The following NLRP13 variants were observed in gnomAD, a reference collection of about 807,000 sequenced individuals.
NLRP13 encodes NLR family pyrin domain containing 13.
In NLRP13, 82 loss-of-function variants were observed where a neutral mutation model predicts 94.4. That is an observed-to-expected ratio of 0.87 (90% CI 0.73 to 1.04). The LOEUF is 1.04. NLRP13 is among the 50% of genes least tolerant of loss of function. The probability of loss-of-function intolerance (pLI) is 0.00; values close to 1 mark genes in which losing one functional copy is unlikely to be tolerated. For missense variants in NLRP13, 1,426 were observed against 1,230.8 expected, an observed-to-expected ratio of 1.16 and a Z score of -2.37; for synonymous variants, 553 against 464.7, an observed-to-expected ratio of 1.19 and a Z score of -2.45.
Position 55,923,990 on chromosome 19 carries a change from C to T in NLRP13, c.458-11G>A, listed in dbSNP as rs765156396. Reference sequence around the variant, plus strand: ...GGGCCTGTACATTCCCTGAAATAAACAGTGATGATGAGATATGAAAATACC... The same window carrying T: ...GGGCCTGTACATTCCCTGAAATAAATAGTGATGATGAGATATGAAAATACC... On this transcript the variant is annotated splice_polypyrimidine_tract_variant and intron_variant, in intron 3 of 10. Coordinates refer to ENST00000342929, the MANE Select transcript of NLRP13 (RefSeq NM_176810.2). The T allele has an allele frequency of 3.7e-5, 60 of 1,610,244 alleles. No individual in the cohort carries two copies. Among genetic ancestry groups the T allele is most frequent in the Middle Eastern group, 3.3e-4 (2 of 6,078 alleles).
chr19:55,932,199 G>T lies in NLRP13; in HGVS notation c.113C>A (p.Pro38His). 3.1e-6 allele frequency: 5 copies of T among 1,613,970 alleles called. No homozygotes were observed. The highest frequency in any genetic ancestry group is 4.2e-6 in the Non-Finnish European group (5 of 1,179,950). The change falls in exon 1 of 11, where the codon CCC becomes CAC. Residue 38 changes from proline (P) to histidine (H), a missense_variant. Physicochemically the swap from Pro to His is moderately conservative, Grantham distance 77. Transcript: ENST00000342929. Reference sequence around the variant, plus strand: ...CGACCAGAAGTCCATCAGCTGCTGGGGTTCCAAGCAAAGCTTGAATTCCTC... The same window carrying T: ...CGACCAGAAGTCCATCAGCTGCTGGTGTTCCAAGCAAAGCTTGAATTCCTC... ...QLEEFKLCLEPQQLMDFWSAP... is the reference protein window; with the variant it reads ...QLEEFKLCLEHQQLMDFWSAP...
intron 5 of NLRP13, 141 bp from the exon 6 acceptor site, chr19:55,910,874 C>T (rs112647645): frequency 6.1e-6 from 4 of 652,048 alleles, no homozygotes; most frequent in African/African-American, 5.4e-5. Flanking sequence ...TGGCTCACGC[C>T]TGTAATCCCA....
chr19:55,928,586 TA>T (rs1052622454), intron 1 of NLRP13, among the ~76,000 whole-genome samples: 2 of 152,190 alleles, frequency 1.3e-5, no homozygotes, highest in Non-Finnish European at 1.5e-5. Context: ...TTTATATTTT[TA>T]AAAATCAGCA....
At chr19:55,913,548 C>CAAAAAAAAAAAAAAAAAAAAAAAA (rs10530056) in intron 4 of NLRP13, among the ~76,000 whole-genome samples, 39 of 52,064 alleles carry the variant, frequency 7.5e-4, no homozygotes, top group Non-Finnish European at 9.6e-4. Flanking sequence ...GACTCCGTCT[C>CAAAAAAAAAAAAAAAAAAAAAAAA]AAAAAAAAAA....
chr19:55,924,873 TC>T (rs1986930051), intron 2 of NLRP13, 93 bp downstream of exon 2: 1 of 1,122,738 alleles, frequency 8.9e-7, no homozygotes, highest in Non-Finnish European at 1.3e-6. Flanking sequence ...CACTATAAAT[TC>T]AAGAAATTTC....
chr19:55,898,662 T>C, intron 10 of NLRP13, 108 bp downstream of exon 10: 1 of 1,197,658 alleles, frequency 8.3e-7, no homozygotes, highest in South Asian at 1.6e-5. Context: ...CTTAGATGGC[T>C]TGTCCTTACT....
chr19:55,923,822 A>G (rs1475290676), intron 4 of NLRP13, 92 bp downstream of exon 4: 1 of 874,328 alleles, frequency 1.1e-6, no homozygotes, highest in African/African-American at 1.7e-5. Context: ...AACTGAAGAA[A>G]ATGTCAGTAT....
rs751102456 is a variant in NLRP13, at chr19:55,924,587, C to T, written c.457+3G>A. On this transcript the variant is annotated splice_donor_region_variant and intron_variant, in intron 3 of 10. Transcript: ENST00000342929. The stretch of plus-strand genomic sequence containing the variant: ...TCAATTATCAACCAAGTAATGTACA[C>T]ACCTGTTTCTTCTTCTAGCTCGTCT... 1 of 1,609,970 alleles carries T rather than the reference C, an allele frequency of 6.2e-7. No homozygotes were observed. Among genetic ancestry groups the T allele is most frequent in the Admixed American group, 1.7e-5 (1 of 60,008 alleles).
At chr19:55,895,885 A>C, downstream of NLRP13, 4 of 1,550,318 alleles carry the variant, frequency 2.6e-6, no homozygotes, top group Non-Finnish European at 2.6e-6. Context: ...CATGCTCTAG[A>C]AGCCTAGTCA....
chr19:55,914,608 A>G (rs1986631724), intron 4 of NLRP13, among the ~76,000 whole-genome samples: 1 of 152,198 alleles, frequency 6.6e-6, no homozygotes, highest in Admixed American at 6.5e-5. Context: ...TTCTACTTCT[A>G]TGAGTTCAAG....
Position 55,912,070 on chromosome 19 carries a change from G to A in NLRP13, c.1747C>T (p.Pro583Ser). 3 of 1,614,188 alleles carry A rather than the reference G, an allele frequency of 1.9e-6. No homozygotes were observed. Among genetic ancestry groups the A allele is most frequent in the Non-Finnish European group, 2.5e-6 (3 of 1,180,040 alleles). Residue 583 changes from proline to serine, a missense_variant, in exon 5 of 11, where the codon CCA becomes TCA. By Grantham distance (74) the Pro-to-Ser change is moderately conservative. Transcript: ENST00000342929. ...VLLDKEAYWT[P>S]VVLFFFGLLN... ...AGACCAAAGAAGAACAGAACCACTGGAGTCCAGTAGGCTTCTTTGTCAAGC... is the reference window on the plus strand; with the variant it reads ...AGACCAAAGAAGAACAGAACCACTGAAGTCCAGTAGGCTTCTTTGTCAAGC...
chr19:55,906,522 G>A (rs567909550), intron 7 of NLRP13, among the ~76,000 whole-genome samples: 33 of 152,156 alleles, frequency 2.2e-4, no homozygotes, highest in African/African-American at 7.0e-4. Flanking sequence ...TGAGAAGGCC[G>A]CAAGACTTAC....
rs1046435185 is a variant in NLRP13, at chr19:55,901,405, G to C, written c.2789+630C>G. On this transcript the variant is annotated intron_variant, in intron 9 of 10. Coordinates refer to ENST00000342929, the MANE Select transcript of NLRP13 (RefSeq NM_176810.2). ...TTAGATAATGTGGGCACTTAAGGGA[G>C]AGAAGGGAGAGTAAGGGAGAGAGGG... is the stretch of plus-strand genomic sequence containing the variant. Among the ~76,000 whole-genome samples, 9 of 152,314 alleles carry C rather than the reference G, an allele frequency of 5.9e-5. No individual in the cohort carries two copies. In the East Asian group the frequency reaches 1.2e-3, roughly 20 times the overall value.
intron 1 of NLRP13, among the ~76,000 whole-genome samples, chr19:55,926,978 T>C (rs1184309774): frequency 6.7e-6 from 1 of 149,270 alleles, no homozygotes; most frequent in African/African-American, 2.5e-5. Flanking sequence ...TATCTATAGG[T>C]GGAAAAAATA....
chr19:55,897,322 C>T (rs1221538003), intron 10 of NLRP13, among the ~76,000 whole-genome samples: 9 of 152,232 alleles, frequency 5.9e-5, no homozygotes, highest in African/African-American at 2.2e-4. Context: ...AGTTTGAGAC[C>T]AGACTGGGCA....
At chr19:55,914,256 G>A (rs1017485928) in intron 4 of NLRP13, among the ~76,000 whole-genome samples, 4 of 152,212 alleles carry the variant, frequency 2.6e-5, no homozygotes, top group African/African-American at 9.7e-5. Context: ...GAGGCCTTCT[G>A]GGGCCTACTA....
chr19:55,920,349 T>C (rs1183679959), intron 4 of NLRP13, among the ~76,000 whole-genome samples: 1 of 152,118 alleles, frequency 6.6e-6, no homozygotes, highest in East Asian at 1.9e-4. Context: ...AAGAAGTTTC[T>C]ACACAGCAAA....
intron 7 of NLRP13, among the ~76,000 whole-genome samples, chr19:55,905,694 A>G (rs1467391190): frequency 2.6e-5 from 4 of 151,974 alleles, no homozygotes; most frequent in East Asian, 1.9e-4. Flanking sequence ...TCTCAGCCCT[A>G]TTGAGGTGTG....
chr19:55,897,513 A>G (rs938406106), intron 10 of NLRP13, among the ~76,000 whole-genome samples: 1 of 152,166 alleles, frequency 6.6e-6, no homozygotes, highest in African/African-American at 2.4e-5. Flanking sequence ...CAAAACAAAC[A>G]AAAAACCATA....
Sources: gnomAD v4.1 joint callset for allele counts (sites outside exome capture counted in the v4.1 genomes callset) on GRCh38, gnomAD v4.1.1 for gene constraint, MANE v1.5 for transcripts, NCBI Gene and HGNC (gene_info 2026-07-23, HGNC 2026-07-21) for gene names.